The following GLRA3 variants were observed in gnomAD, a reference collection of about 807,000 sequenced individuals.
GLRA3 encodes the protein glycine receptor subunit alpha-3.
GLRA3 carries 44 observed loss-of-function variants against 60.4 expected under a neutral mutation model. That is an observed-to-expected ratio of 0.73 (90% CI 0.57 to 0.94). The LOEUF (loss-of-function observed/expected upper bound fraction) is 0.94. Ranked by LOEUF, GLRA3 falls within the 40% of genes least tolerant of loss-of-function variation. GLRA3 has a pLI of 0.00. For missense variants in GLRA3, 508 were observed against 564.6 expected, an observed-to-expected ratio of 0.90 and a Z score of 1.02; for synonymous variants, 223 against 192.9, an observed-to-expected ratio of 1.16 and a Z score of -1.29.
At chr4:174,742,786 C>T (rs1281772489) in intron 3 of GLRA3, among the ~76,000 whole-genome samples, 1 of 152,160 alleles carries the variant, frequency 6.6e-6, no homozygotes, top group Non-Finnish European at 1.5e-5. Flanking sequence ...GCTATGAATA[C>T]ATCATTCTTT....
intron 1 of GLRA3, among the ~76,000 whole-genome samples, chr4:174,812,972 C>T (rs541049539): frequency 8.9e-4 from 136 of 152,218 alleles, no homozygotes; most frequent in African/African-American, 3.1e-3. Flanking sequence ...TAAGAGCACA[C>T]GCGTTCCTTT....
intron 1 of GLRA3, among the ~76,000 whole-genome samples, chr4:174,810,988 C>A (rs1463658499): frequency 1.3e-5 from 2 of 152,030 alleles, no homozygotes; most frequent in African/African-American, 4.8e-5. Flanking sequence ...CTCTCTCATT[C>A]TTTTCATATG....
intron 1 of GLRA3, among the ~76,000 whole-genome samples, chr4:174,803,561 C>G (rs1218827315): frequency 6.6e-6 from 1 of 152,130 alleles, no homozygotes; most frequent in Non-Finnish European, 1.5e-5. Flanking sequence ...GCAAGCCAGA[C>G]ATTTTACCAA....
chr4:174,815,508 C>T (rs1376459162), intron 1 of GLRA3, among the ~76,000 whole-genome samples: 2 of 152,246 alleles, frequency 1.3e-5, no homozygotes, highest in South Asian at 2.1e-4. Flanking sequence ...TCCGCACCTG[C>T]AGCAAACTTC....
At chr4:174,783,891 C>G (rs1739002585) in intron 2 of GLRA3, among the ~76,000 whole-genome samples, 1 of 152,002 alleles carries the variant, frequency 6.6e-6, no homozygotes, top group Non-Finnish European at 1.5e-5. Flanking sequence ...ACTAGTTCAA[C>G]CATTGTGGAA....
intron 5 of GLRA3, among the ~76,000 whole-genome samples, chr4:174,703,516 C>G (rs535718474): frequency 6.6e-6 from 1 of 152,120 alleles, no homozygotes; most frequent in Non-Finnish European, 1.5e-5. Flanking sequence ...GCTGGCTTCC[C>G]TCTTGATCCT....
At chr4:174,819,379 G>T (rs1281837225) in intron 1 of GLRA3, among the ~76,000 whole-genome samples, 2 of 152,166 alleles carry the variant, frequency 1.3e-5, no homozygotes. Context: ...TATTTGAAAA[G>T]AAAACTTGAG....
At chr4:174,736,421 CACA>C (rs1736792109) in intron 3 of GLRA3, among the ~76,000 whole-genome samples, 1 of 152,134 alleles carries the variant, frequency 6.6e-6, no homozygotes, top group Admixed American at 6.5e-5. Flanking sequence ...CACCTAGTTT[CACA>C]ACATTTTTTT....
intron 1 of GLRA3, among the ~76,000 whole-genome samples, chr4:174,828,397 T>C (rs1741065105): frequency 6.6e-6 from 1 of 152,188 alleles, no homozygotes; most frequent in Non-Finnish European, 1.5e-5. Context: ...TTTGTAACTT[T>C]CAAAAAAAGA....
At chr4:174,815,038 G>A (rs1740426144) in intron 1 of GLRA3, among the ~76,000 whole-genome samples, 1 of 152,074 alleles carries the variant, frequency 6.6e-6, no homozygotes, top group South Asian at 2.1e-4. Flanking sequence ...AAGCAAGCTA[G>A]TTACTTCCTA....
rs183239221 is a variant in GLRA3 at position 174,795,140 on chromosome 4, T to C, written c.72-6197A>G. Among the ~76,000 whole-genome samples, 11 of 151,962 alleles carry C rather than the reference T, an allele frequency of 7.2e-5. No individual in the cohort carries two copies. The East Asian group carries it at 2.1e-3, about 29-fold the overall frequency. On this transcript the variant is annotated intron_variant, in intron 1 of 9. Coordinates refer to ENST00000274093, the MANE Select transcript of GLRA3 (RefSeq NM_006529.4). Reference sequence around the variant, plus strand: ...CTAATATATAAATTTTCCTTGTTTATGCAATTAATAATTAAATTAAACTGG... The same window carrying C: ...CTAATATATAAATTTTCCTTGTTTACGCAATTAATAATTAAATTAAACTGG...
chr4:174,644,887 T>C (rs1346510563), intron 9 of GLRA3, among the ~76,000 whole-genome samples: 1 of 151,814 alleles, frequency 6.6e-6, no homozygotes, highest in Non-Finnish European at 1.5e-5. Flanking sequence ...TAATATATGA[T>C]GAAATATACT....
intron 7 of GLRA3, among the ~76,000 whole-genome samples, chr4:174,662,839 T>C (rs76799409): frequency 0.26 from 35,788 of 136,006 alleles, 4,054 homozygotes; most frequent in Admixed American, 0.4. Flanking sequence ...TTTTTTTTCT[T>C]TTTTTTTTTT....
intron 3 of GLRA3, among the ~76,000 whole-genome samples, chr4:174,740,463 T>C (rs1277535150): frequency 6.6e-6 from 1 of 152,068 alleles, no homozygotes; most frequent in East Asian, 1.9e-4. Context: ...TGAAACCATT[T>C]TGAATGCTGA....
At chr4:174,645,092 T>C (rs770388875) in intron 9 of GLRA3, among the ~76,000 whole-genome samples, 1 of 152,016 alleles carries the variant, frequency 6.6e-6, no homozygotes, top group African/African-American at 2.4e-5. Flanking sequence ...CATAATAATA[T>C]AAAAGATCAA....
intron 4 of GLRA3, among the ~76,000 whole-genome samples, chr4:174,726,327 C>T (rs561172444): frequency 1.9e-4 from 29 of 152,174 alleles, no homozygotes; most frequent in Non-Finnish European, 2.9e-4. Flanking sequence ...TTTCCTGACA[C>T]TATCTTGAGT....
chr4:174,648,324 C>A (rs148196633), intron 9 of GLRA3, among the ~76,000 whole-genome samples: 1 of 152,036 alleles, frequency 6.6e-6, no homozygotes, highest in African/African-American at 2.4e-5. Context: ...ATTAGCCAGG[C>A]GTGGTGGTAC....
At chr4:174,763,450 T>C (rs1187249889) in intron 3 of GLRA3, among the ~76,000 whole-genome samples, 1 of 152,184 alleles carries the variant, frequency 6.6e-6, no homozygotes, top group East Asian at 1.9e-4. Flanking sequence ...AAAACCCCAA[T>C]CTTTTCTTTT....
At position 174,778,499 on chromosome 4, in the gene GLRA3, C is replaced by T. The variant is rs553884198; in HGVS notation, c.199+10317G>A. The stretch of plus-strand genomic sequence containing the variant: ...CAAGATGGCCGAATAGGAACAGCTC[C>T]TGTCTACAGCTCCCAGCGTGACCGA... On this transcript the variant is annotated intron_variant, in intron 2 of 9. Transcript: ENST00000274093. Among the ~76,000 whole-genome samples the T allele has an allele frequency of 1.4e-4, 22 of 152,274 alleles. No homozygotes were observed. The South Asian group carries it at 4.3e-3, about 30-fold the overall frequency.
Sources: gnomAD v4.1 joint callset for allele counts (sites outside exome capture counted in the v4.1 genomes callset) on GRCh38, gnomAD v4.1.1 for gene constraint, MANE v1.5 for transcripts, NCBI Gene and HGNC (gene_info 2026-07-23, HGNC 2026-07-21) for gene names.